Variants in LONP2 observed in about 807,000 individuals in gnomAD.
LONP2 encodes lon peptidase 2, peroxisomal.
Under a neutral mutation model 85.6 loss-of-function variants are expected in LONP2, and 60 were observed. That is an observed-to-expected ratio of 0.70 (90% CI 0.57 to 0.87). The LOEUF (loss-of-function observed/expected upper bound fraction) is 0.87, where lower values mean the gene tolerates loss of function less well. Among genes scored for constraint, LONP2 ranks in the 40% least tolerant of loss-of-function variants. The pLI is 0.00. For synonymous variants in LONP2, 395 were observed against 389.7 expected, an observed-to-expected ratio of 1.01 and a Z score of -0.16; for missense variants, 860 against 1,063.5, an observed-to-expected ratio of 0.81 and a Z score of 2.66.
In LONP2 at chr16:48,294,636, C is replaced by T. The variant is rs58909828; in HGVS notation, c.1384-1379C>T. Among the ~76,000 whole-genome samples the T allele has an allele frequency of 5.5e-3, 843 of 152,070 alleles. 6 individuals are homozygous for T. Among genetic ancestry groups the T allele is most frequent in the African/African-American group, 0.019 (789 of 41,488 alleles). ...CAAAAATTAGCCAGGTGGGGTGGTA[C>T]GCACCTGTAATCCCAGCTACTCAGG... On this transcript the variant is annotated intron_variant, in intron 8 of 14. Coordinates refer to ENST00000285737, the MANE Select transcript of LONP2 (RefSeq NM_031490.5).
At chr16:48,327,397 T>C (rs750847794) in intron 11 of LONP2, among the ~76,000 whole-genome samples, 1 of 152,194 alleles carries the variant, frequency 6.6e-6, no homozygotes, top group Non-Finnish European at 1.5e-5. Context: ...ATTCTACTCA[T>C]TTTATATTTC....
In LONP2 at chr16:48,346,672, TCGAA is replaced by T. The variant is rs1959975051; in HGVS notation, c.1939-833_1939-830del. ...ACCATGTTGCCCACACTGGTCTCTA[TCGAA>T]CTCCTGGGCTCAAGCGATCCTGTCG... On this transcript the variant is annotated intron_variant, in intron 12 of 14. Transcript: ENST00000285737. Among the ~76,000 whole-genome samples, 2 of 152,080 alleles carry T rather than the reference TCGAA, an allele frequency of 1.3e-5. 1 individual carries two copies. The highest frequency in any genetic ancestry group is 4.1e-4 in the South Asian group (2 of 4,822).
chr16:48,290,153 A>T (rs1436531280), intron 8 of LONP2, among the ~76,000 whole-genome samples: 1 of 152,044 alleles, frequency 6.6e-6, no homozygotes, highest in Non-Finnish European at 1.5e-5. Flanking sequence ...TGTATCTCTT[A>T]ATTTTTCCCG....
At chr16:48,298,385 T>A (rs1317933885) in intron 9 of LONP2, among the ~76,000 whole-genome samples, 1 of 152,140 alleles carries the variant, frequency 6.6e-6, no homozygotes, top group Non-Finnish European at 1.5e-5. Flanking sequence ...GAACATTATG[T>A]GTTCTAAATA....
intron 9 of LONP2, among the ~76,000 whole-genome samples, 170 bp downstream of exon 9, chr16:48,296,335 G>A (rs1242685993): frequency 2.0e-5 from 3 of 152,216 alleles, no homozygotes; most frequent in Non-Finnish European, 4.4e-5. Flanking sequence ...AAGTCTGGAA[G>A]AGCAAAACAG....
chr16:48,255,746 T>C (rs1200298056), intron 2 of LONP2, among the ~76,000 whole-genome samples: 1 of 152,110 alleles, frequency 6.6e-6, no homozygotes, highest in Non-Finnish European at 1.5e-5. Context: ...CAAGATCAGA[T>C]GGTTATATAA....
chr16:48,339,670 G>A (rs535472974), intron 12 of LONP2, among the ~76,000 whole-genome samples: 2 of 152,282 alleles, frequency 1.3e-5, no homozygotes, highest in African/African-American at 2.4e-5. Context: ...GTGAGAGGGG[G>A]TGGGACCCAA....
At chr16:48,283,039 C>G (rs12149393) in intron 8 of LONP2, among the ~76,000 whole-genome samples, 24,693 of 152,176 alleles carry the variant, frequency 0.16, 2,189 homozygotes, top group Middle Eastern at 0.27. Flanking sequence ...AAAGATTAAG[C>G]CAACTACAAC....
chr16:48,246,035 A>G (rs1832697927), intron 1 of LONP2, among the ~76,000 whole-genome samples: 1 of 152,056 alleles, frequency 6.6e-6, no homozygotes, highest in African/African-American at 2.4e-5. Flanking sequence ...TTTTTCCTCA[A>G]AATCTTGTGA....
intron 2 of LONP2, among the ~76,000 whole-genome samples, chr16:48,254,156 C>T (rs1971708717): frequency 6.6e-6 from 1 of 152,166 alleles, no homozygotes; most frequent in Non-Finnish European, 1.5e-5. Context: ...ACTTTAATGG[C>T]TATAGGATGG....
At chr16:48,262,702 G>C (rs1246653392) in intron 5 of LONP2, 76 bp from the exon 6 acceptor site, 3 of 869,972 alleles carry the variant, frequency 3.4e-6, no homozygotes, top group Non-Finnish European at 5.5e-6. Context: ...CCAAGAAAGA[G>C]AGCTGTGTTT....
intron 1 of LONP2, chr16:48,247,217 T>TAAAG (rs59629348): frequency 8.5e-5 from 12 of 141,840 alleles, no homozygotes; most frequent in African/African-American, 2.9e-4. Flanking sequence ...ACACTCTACT[T>TAAAG]AAAAAAAAAA....
At chr16:48,280,523 T>C (rs1972304343) in intron 8 of LONP2, among the ~76,000 whole-genome samples, 1 of 152,232 alleles carries the variant, frequency 6.6e-6, no homozygotes, top group South Asian at 2.1e-4. Flanking sequence ...AATGATATTT[T>C]CTTGTCTGAT....
rs1971225660 is a variant in LONP2, at chr16:48,244,502, C to T, written c.114C>T (p.Asn38=). The T allele has an allele frequency of 1.9e-6, 3 of 1,597,170 alleles. No homozygotes were observed. The highest frequency in any genetic ancestry group is 1.7e-5 in the Admixed American group (1 of 58,258). ...GCACCAGCGTGGACTCGGCCCGCAA[C>T]CTGCAGCTGGTGCGGAGCCGCCTTC... ...TMRTSVDSAR[N]LQLVRSRLLK... is the part of the protein sequence containing the mutation. Residue 38 remains asparagine, a synonymous_variant, in exon 1 of 15, where the codon AAC becomes AAT. Coordinates refer to ENST00000285737, the MANE Select transcript of LONP2 (RefSeq NM_031490.5).
chr16:48,289,414 A>AC, intron 8 of LONP2, among the ~76,000 whole-genome samples: 1 of 151,996 alleles, frequency 6.6e-6, no homozygotes, highest in Non-Finnish European at 1.5e-5. Context: ...TAAGAGACAA[A>AC]CCCTTGTGTT....
At chr16:48,329,549 T>C (rs1276061973) in intron 11 of LONP2, among the ~76,000 whole-genome samples, 1 of 152,196 alleles carries the variant, frequency 6.6e-6, no homozygotes, top group Non-Finnish European at 1.5e-5. Context: ...TTACTTTGCT[T>C]AATTTATAAA....
In LONP2 at chr16:48,252,162, G is replaced by T. The variant is rs771017903; in HGVS notation, c.265G>T (p.Val89Leu). The T allele has an allele frequency of 9.3e-6, 15 of 1,606,416 alleles. No individual in the cohort carries two copies. The highest frequency in any genetic ancestry group is 4.0e-5 in the African/African-American group (3 of 74,802). ...IGTAALAVQV[V>L]GSNWPKPHYT... ...CACAGCTGCACTGGCCGTTCAGGTT[G>T]TGGGCAGTAACTGGCCCAAGCCCCA... is the stretch of plus-strand genomic sequence containing the variant. The change falls in exon 2 of 15, where the codon GTG becomes TTG. Residue 89 changes from valine to leucine, a missense_variant. Val to Leu is a conservative substitution (Grantham distance 32). Transcript: ENST00000285737.
chr16:48,270,828 G>A (rs1197987335), intron 7 of LONP2, among the ~76,000 whole-genome samples: 2 of 152,072 alleles, frequency 1.3e-5, no homozygotes, highest in Non-Finnish European at 2.9e-5. Flanking sequence ...ACAATAAACT[G>A]TAAGAACTGT....
At chr16:48,322,391 A>G (rs567398562) in intron 11 of LONP2, among the ~76,000 whole-genome samples, 1 of 152,314 alleles carries the variant, frequency 6.6e-6, no homozygotes, top group African/African-American at 2.4e-5. Flanking sequence ...ACATTAGCCC[A>G]GTCCTGAACT....
Sources: allele counts gnomAD v4.1 joint callset (sites outside exome capture counted in the v4.1 genomes callset), GRCh38; gene constraint gnomAD v4.1.1; transcripts MANE v1.5; gene names NCBI Gene and HGNC (gene_info 2026-07-23, HGNC 2026-07-21).